The following ANKRD31 variants were observed in gnomAD, a reference collection of about 807,000 sequenced individuals.
ANKRD31 encodes ankyrin repeat domain-containing protein 31.
Under a neutral mutation model 186.0 loss-of-function variants are expected in ANKRD31, and 147 were observed. The ratio of observed to expected loss-of-function variants is 0.79; its 90% CI spans 0.69 to 0.91. ANKRD31 has a LOEUF of 0.91. Ranked by LOEUF, ANKRD31 falls within the 40% of genes least tolerant of loss-of-function variation. The probability of loss-of-function intolerance (pLI) is 0.00; values close to 1 mark genes in which losing one functional copy is unlikely to be tolerated. For synonymous variants in ANKRD31, 673 were observed against 736.4 expected (o/e 0.91, Z 1.39); for missense variants, 1,986 against 2,148.8 (o/e 0.92, Z 1.50).
chr5:75,099,751 T>C (rs1746662677), intron 22 of ANKRD31, among the ~76,000 whole-genome samples: 1 of 152,226 alleles, frequency 6.6e-6, no homozygotes, highest in Non-Finnish European at 1.5e-5. Flanking sequence ...GATGGTAGTT[T>C]GTATATCTGT....
At chr5:75,216,741 T>C (rs1756983828) in intron 3 of ANKRD31, among the ~76,000 whole-genome samples, 1 of 152,130 alleles carries the variant, frequency 6.6e-6, no homozygotes, top group Non-Finnish European at 1.5e-5. Context: ...TTCCATTCCT[T>C]ATCTCTGGTT....
At chr5:75,230,719 C>T in intron 1 of ANKRD31, 84 bp from the exon 2 acceptor site, 4 of 993,042 alleles carry the variant, frequency 4.0e-6, no homozygotes, top group Non-Finnish European at 5.9e-6. Context: ...TTTATTATAC[C>T]AAAACTTGCT....
At position 75,146,573 on chromosome 5, in the gene ANKRD31, T is replaced by C. The variant is rs766173134; in HGVS notation, c.2838A>G (p.Leu946=). ...CCTGTGAAAGATGATCTTCAGAAAG[T>C]AAAAACTGTTGGAAACCCATTTCTT... ...NKKEMGFQQF[L]LSEDHLSQEN... Residue 946 remains leucine (L), a synonymous_variant, in exon 14 of 26, where the codon TTA becomes TTG. Coordinates refer to ENST00000506364, the MANE Select transcript of ANKRD31 (RefSeq NM_001372053.1). The C allele has an allele frequency of 3.6e-5, 56 of 1,535,896 alleles. No homozygotes were observed. Among genetic ancestry groups the C allele is most frequent in the Non-Finnish European group, 4.5e-5 (52 of 1,146,286 alleles).
At chr5:75,089,139 A>G (rs993434309) in intron 23 of ANKRD31, among the ~76,000 whole-genome samples, 1 of 152,188 alleles carries the variant, frequency 6.6e-6, no homozygotes, top group Non-Finnish European at 1.5e-5. Flanking sequence ...CCCAGATAAT[A>G]TAACTTATAA....
rs796733969 is a variant in ANKRD31 at position 75,154,818 on chromosome 5, T to C, written c.1708-473A>G. The stretch of plus-strand genomic sequence containing the variant: ...GATAATTATGTCTTCCGTCTATACC[T>C]GTGCTGCCGCTGCTCCTCCTCAGAC... On this transcript the variant is annotated intron_variant, in intron 11 of 25. Transcript: ENST00000506364. Among the ~76,000 whole-genome samples the C allele has an allele frequency of 1.6e-3, 248 of 152,240 alleles. 1 individual carries two copies. The highest frequency in any genetic ancestry group is 5.8e-3 in the African/African-American group (243 of 41,546).
rs2150316079 is a variant in ANKRD31, at chr5:75,227,154, T to C, written c.178+3408A>G. ...GCAACATGGATGGAACTGCAGGTCATAAGTGAAATAAGCCAGGAACAAAAA... is the reference window on the plus strand; with the variant it reads ...GCAACATGGATGGAACTGCAGGTCACAAGTGAAATAAGCCAGGAACAAAAA... On this transcript the variant is annotated intron_variant, in intron 2 of 25. Transcript: ENST00000506364. Among the ~76,000 whole-genome samples, 2 of 152,298 alleles carry C rather than the reference T, an allele frequency of 1.3e-5. 1 individual carries two copies. Among genetic ancestry groups the C allele is most frequent in the South Asian group, 4.1e-4 (2 of 4,830 alleles).
chr5:75,116,383 C>A (rs1184306224), intron 19 of ANKRD31, among the ~76,000 whole-genome samples, 183 bp downstream of exon 19: 4 of 151,400 alleles, frequency 2.6e-5, no homozygotes, highest in Non-Finnish European at 5.9e-5. Flanking sequence ...ACATTGTGCA[C>A]ATGTACCCTA....
chr5:75,068,865 G>A (rs1454987254), intron 25 of ANKRD31, among the ~76,000 whole-genome samples: 1 of 152,062 alleles, frequency 6.6e-6, no homozygotes, highest in African/African-American at 2.4e-5. Context: ...TGGGAAAGAG[G>A]GGCCTGTTTG....
intron 17 of ANKRD31, among the ~76,000 whole-genome samples, chr5:75,119,978 G>C (rs1748621944): frequency 6.6e-6 from 1 of 152,158 alleles, no homozygotes; most frequent in African/African-American, 2.4e-5. Context: ...GGTCAAAGAG[G>C]ATGTGATATT....
intron 10 of ANKRD31, among the ~76,000 whole-genome samples, chr5:75,185,858 AATT>A (rs1251545968): frequency 6.6e-6 from 1 of 151,852 alleles, no homozygotes; most frequent in Non-Finnish European, 1.5e-5. Flanking sequence ...GTTATATAAT[AATT>A]ATGTATCCAT....
At chr5:75,200,264 TCTC>T (rs1373314226) in intron 5 of ANKRD31, among the ~76,000 whole-genome samples, 2 of 151,648 alleles carry the variant, frequency 1.3e-5, no homozygotes, top group African/African-American at 4.8e-5. Context: ...AAAAGATAGT[TCTC>T]CTCCACTGTT....
rs113657600 is a variant in ANKRD31 at position 75,163,211 on chromosome 5, A to G, written c.1707+5768T>C. Among the ~76,000 whole-genome samples the G allele has an allele frequency of 2.6e-3, 394 of 152,232 alleles. 2 individuals are homozygous for G. Among genetic ancestry groups the G allele is most frequent in the African/African-American group, 8.4e-3 (351 of 41,542 alleles). On this transcript the variant is annotated intron_variant, in intron 11 of 25. Coordinates refer to ENST00000506364, the MANE Select transcript of ANKRD31 (RefSeq NM_001372053.1). ...ATTTGAAATGCTTGGGACCAGCAGT[A>G]TTTAGAATTTTGGATTTTGGAATAT... is the stretch of plus-strand genomic sequence containing the variant.
chr5:75,188,766 T>C (rs1020578301), intron 9 of ANKRD31, 118 bp from the exon 10 acceptor site: 1 of 836,302 alleles, frequency 1.2e-6, no homozygotes, highest in Admixed American at 2.8e-5. Context: ...CAGGATTAAC[T>C]CAGTCAATAG....
At chr5:75,161,983 C>A (rs868738435) in intron 11 of ANKRD31, among the ~76,000 whole-genome samples, 2 of 152,228 alleles carry the variant, frequency 1.3e-5, no homozygotes, top group Admixed American at 6.5e-5. Flanking sequence ...GCAGGGCCCT[C>A]ATGGAGAACC....
At chr5:75,190,559 T>C (rs925474658) in intron 9 of ANKRD31, among the ~76,000 whole-genome samples, 2 of 152,026 alleles carry the variant, frequency 1.3e-5, no homozygotes, top group Non-Finnish European at 2.9e-5. Context: ...CTCCCAAAAC[T>C]CAAACTTGAA....
At chr5:75,079,511 C>A (rs561885958) in intron 25 of ANKRD31, among the ~76,000 whole-genome samples, 28 of 151,296 alleles carry the variant, frequency 1.9e-4, no homozygotes, top group Admixed American at 1.6e-3. Context: ...CTCTTGTTGA[C>A]CAGGCTGGAG....
chr5:75,181,075 G>A (rs1298057997), intron 10 of ANKRD31, among the ~76,000 whole-genome samples: 1 of 150,902 alleles, frequency 6.6e-6, no homozygotes, highest in Non-Finnish European at 1.5e-5. Flanking sequence ...GTGGGCAAAG[G>A]ATATGAATAG....
At chr5:75,185,784 T>A (rs565736608) in intron 10 of ANKRD31, among the ~76,000 whole-genome samples, 5 of 151,978 alleles carry the variant, frequency 3.3e-5, no homozygotes, top group African/African-American at 1.2e-4. Context: ...TTGTTCCCCA[T>A]AAATATGTAT....
chr5:75,128,371 A>G (rs1009475742), intron 17 of ANKRD31, among the ~76,000 whole-genome samples: 17 of 151,924 alleles, frequency 1.1e-4, no homozygotes, highest in Non-Finnish European at 2.2e-4. Context: ...ACAAACCTGC[A>G]CGTTCTGCAT....
Sources: allele counts gnomAD v4.1 joint callset (sites outside exome capture counted in the v4.1 genomes callset), GRCh38; gene constraint gnomAD v4.1.1; transcripts MANE v1.5; gene names NCBI Gene and HGNC (gene_info 2026-07-23, HGNC 2026-07-21).